Variants in ANKFN1 observed in about 807,000 individuals in gnomAD.
ANKFN1 encodes ankyrin repeat and fibronectin type III domain containing 1.
In ANKFN1, 74 loss-of-function variants were observed where a neutral mutation model predicts 108.7. The observed-to-expected ratio is 0.68, with a 90% CI of 0.56 to 0.83. The LOEUF (loss-of-function observed/expected upper bound fraction) is 0.83, where lower values mean the gene tolerates loss of function less well. Ranked by LOEUF, ANKFN1 falls within the 40% of genes least tolerant of loss-of-function variation. The pLI is 0.00. For synonymous variants in ANKFN1, 547 were observed against 516.2 expected (o/e 1.06, Z -0.81); for missense variants, 1,505 against 1,382.3 (o/e 1.09, Z -1.41).
chr17:56,455,715 C>T (rs78307122), intron 11 of ANKFN1, among the ~76,000 whole-genome samples: 2,712 of 152,272 alleles, frequency 0.018, 55 homozygotes, highest in East Asian at 0.092. Flanking sequence ...GTATAGGAAG[C>T]CTACTACCTT....
intron 1 of ANKFN1, among the ~76,000 whole-genome samples, chr17:56,178,066 A>T (rs527392878): frequency 1.3e-5 from 2 of 152,270 alleles, no homozygotes; most frequent in Non-Finnish European, 2.9e-5. Flanking sequence ...TGGGGGTAGC[A>T]GGATGTCATT....
At chr17:56,285,182 AGG>A (rs989155755) in intron 3 of ANKFN1, among the ~76,000 whole-genome samples, 1 of 152,176 alleles carries the variant, frequency 6.6e-6, no homozygotes, top group Non-Finnish European at 1.5e-5. Context: ...GGGTGACAGC[AGG>A]GGTGCGGTTG....
chr17:56,330,020 T>A (rs1280066317), intron 4 of ANKFN1, among the ~76,000 whole-genome samples: 2 of 152,214 alleles, frequency 1.3e-5, no homozygotes, highest in Admixed American at 1.3e-4. Context: ...GTTTACTGTT[T>A]ACAAGCCACC....
Position 56,090,777 on chromosome 17 carries a change from T to TA in ANKFN1, c.288+44459dup, listed in dbSNP as rs142045314. ...ACGCACCTCCACATCTGGCTAATTTTAAAAAAATTTTGTACAGATTGGCTC... is the reference window on the plus strand; with the variant it reads ...ACGCACCTCCACATCTGGCTAATTTTAAAAAAAATTTTGTACAGATTGGCTC... On this transcript the variant is annotated intron_variant, in intron 4 of 12. Coordinates refer to the ANKFN1 transcript ENST00000635860. Among the ~76,000 whole-genome samples the TA allele has an allele frequency of 8.3e-3, 1,253 of 150,996 alleles. 38 individuals are homozygous for TA. The highest frequency in any genetic ancestry group is 0.028 in the African/African-American group (1,149 of 41,124).
chr17:56,275,984 T>A (rs1360057540), intron 3 of ANKFN1, among the ~76,000 whole-genome samples: 3 of 152,150 alleles, frequency 2.0e-5, no homozygotes, highest in Admixed American at 2.0e-4. Context: ...GTCATTTACA[T>A]TAGATATTTC....
intron 3 of ANKFN1, among the ~76,000 whole-genome samples, chr17:56,279,206 A>G (rs185272258): frequency 6.6e-6 from 1 of 152,358 alleles, no homozygotes; most frequent in East Asian, 1.9e-4. Context: ...CCCAATATAA[A>G]GAACTAAAAA....
Position 56,457,984 on chromosome 17 carries a change from G to A in ANKFN1, c.1557+5G>A. ...GCAGCAACAGCACAGCTACAGGTAA[G>A]GGACCAGGTTTCAACCCAGGCCCCC... On this transcript the variant is annotated splice_donor_5th_base_variant and intron_variant, in intron 14 of 20. Coordinates refer to ENST00000682825, the MANE Select transcript of ANKFN1 (RefSeq NM_001370326.1). 6.2e-7 allele frequency: 1 copy of A among 1,612,332 alleles called. No individual in the cohort carries two copies. The highest frequency in any genetic ancestry group is 8.5e-7 in the Non-Finnish European group (1 of 1,178,724).
At chr17:56,397,169 G>A (rs543641307) in intron 8 of ANKFN1, among the ~76,000 whole-genome samples, 10 of 152,172 alleles carry the variant, frequency 6.6e-5, no homozygotes, top group African/African-American at 1.9e-4. Context: ...CATCTAAATA[G>A]ATGAAGATCC....
chr17:56,172,746 GGA>G (rs1488168163), intron 1 of ANKFN1, among the ~76,000 whole-genome samples: 1 of 152,194 alleles, frequency 6.6e-6, no homozygotes, highest in East Asian at 1.9e-4. Context: ...AGGGAGTGCT[GGA>G]GTGGGAGCAC....
chr17:56,113,324 C>A (rs1185037827), intron 4 of ANKFN1, among the ~76,000 whole-genome samples: 1 of 151,946 alleles, frequency 6.6e-6, no homozygotes, highest in East Asian at 1.9e-4. Flanking sequence ...TGTACAGAAC[C>A]CAAAAAATGA....
At chr17:56,492,409 G>A in intron 19 of ANKFN1, 56 bp downstream of exon 19, 1 of 684,476 alleles carries the variant, frequency 1.5e-6, no homozygotes, top group Non-Finnish European at 2.7e-6. Flanking sequence ...GGGTGGAAAG[G>A]GTGAAAAGCC....
At chr17:56,152,803 G>C (rs1025112493), upstream of ANKFN1, among the ~76,000 whole-genome samples, 1 of 152,136 alleles carries the variant, frequency 6.6e-6, no homozygotes, top group Non-Finnish European at 1.5e-5. Flanking sequence ...TGCACATAAT[G>C]TGCCTCCTTT....
intron 4 of ANKFN1, among the ~76,000 whole-genome samples, chr17:56,097,879 T>C (rs1182631928): frequency 6.6e-6 from 1 of 152,198 alleles, no homozygotes; most frequent in Non-Finnish European, 1.5e-5. Flanking sequence ...TTGGGTAATA[T>C]TATTTCTCAT....
chr17:56,253,230 A>G (rs2043278342), intron 3 of ANKFN1, among the ~76,000 whole-genome samples: 1 of 152,222 alleles, frequency 6.6e-6, no homozygotes, highest in African/African-American at 2.4e-5. Flanking sequence ...AGAAAGGAAG[A>G]AAACATAAAT....
chr17:56,291,588 C>T (rs1247816411), intron 3 of ANKFN1, among the ~76,000 whole-genome samples: 1 of 152,194 alleles, frequency 6.6e-6, no homozygotes. Flanking sequence ...CTGACCTGAA[C>T]ACTGGCCAGC....
At chr17:56,504,151 A>G (rs1194412890) in intron 20 of ANKFN1, among the ~76,000 whole-genome samples, 1 of 152,232 alleles carries the variant, frequency 6.6e-6, no homozygotes. Flanking sequence ...TCTAATAAAT[A>G]ATACAATCAC....
chr17:56,470,224 T>C (rs1021450135), intron 15 of ANKFN1, among the ~76,000 whole-genome samples: 4 of 152,196 alleles, frequency 2.6e-5, no homozygotes, highest in African/African-American at 7.2e-5. Flanking sequence ...GTCTTTGCTA[T>C]GGGAAATAAT....
At chr17:56,156,076 C>CT (rs529958919) in intron 1 of ANKFN1, among the ~76,000 whole-genome samples, 4,702 of 136,456 alleles carry the variant, frequency 0.034, 192 homozygotes, top group African/African-American at 0.093. Context: ...CTCTCTCACT[C>CT]TTTTTTTTTT....
At chr17:56,165,814 G>A (rs1910087940) in intron 1 of ANKFN1, among the ~76,000 whole-genome samples, 2 of 152,068 alleles carry the variant, frequency 1.3e-5, no homozygotes, top group South Asian at 4.2e-4. Flanking sequence ...TTCTGTTTAT[G>A]AACAACAGTG....
Sources: gnomAD v4.1 joint callset for allele counts (sites outside exome capture counted in the v4.1 genomes callset) on GRCh38, gnomAD v4.1.1 for gene constraint, MANE v1.5 for transcripts, NCBI Gene and HGNC (gene_info 2026-07-23, HGNC 2026-07-21) for gene names.